The following ONECUT3 variants were observed in gnomAD, a reference collection of about 807,000 sequenced individuals.
The protein encoded by ONECUT3 is one cut homeobox 3.
In ONECUT3, 11 loss-of-function variants were observed where a neutral mutation model predicts 16.8. That is an observed-to-expected ratio of 0.66 (90% CI 0.41 to 1.09). The LOEUF (loss-of-function observed/expected upper bound fraction) is 1.09. Ranked by LOEUF, ONECUT3 falls within the 50% of genes least tolerant of loss-of-function variation. ONECUT3 has a pLI of 0.00. For synonymous variants in ONECUT3, 344 were observed against 310.7 expected, an observed-to-expected ratio of 1.11 and a Z score of -1.13; for missense variants, 637 against 629.9, an observed-to-expected ratio of 1.01 and a Z score of -0.12.
Position 1,775,204 on chromosome 19 carries a change from A to G in ONECUT3, c.1244A>G (p.Lys415Arg). Residue 415 changes from lysine to arginine, a missense_variant, in exon 2 of 2, where the codon AAG becomes AGG. By Grantham distance (26) the Lys-to-Arg change is conservative. Transcript: ENST00000382349. ...EQQKERALQP[K>R]KQRLVFTDLQ... ...CAGAAGGAGCGCGCCCTGCAGCCCAAGAAGCAGCGCCTGGTGTTCACCGAC... is the reference window on the plus strand; with the variant it reads ...CAGAAGGAGCGCGCCCTGCAGCCCAGGAAGCAGCGCCTGGTGTTCACCGAC... The G allele has an allele frequency of 2.6e-6, 4 of 1,524,846 alleles. No individual in the cohort carries two copies. Among genetic ancestry groups the G allele is most frequent in the Non-Finnish European group, 3.5e-6 (4 of 1,129,976 alleles). The allele number at this position is 1,524,846 out of a possible 1,614,324, so 94.5% of individuals were successfully genotyped here. A position where few individuals can be genotyped will look rare whatever the true frequency, so the allele number is the denominator to read the frequency against.
chr19:1,765,716 C>T lies in ONECUT3; in HGVS notation c.1193-9437C>T, dbSNP rs550226321. On this transcript the variant is annotated intron_variant, in intron 1 of 1. Coordinates refer to ENST00000382349, the MANE Select transcript of ONECUT3 (RefSeq NM_001080488.2). ...GGGGACACAGGGCTCTGGGTCACTG[C>T]GTCCACTTGATAAACCAGGAACCTG... 2.0e-5 allele frequency among the ~76,000 whole-genome samples: 3 copies of T among 152,332 alleles called. No homozygotes were observed. In the South Asian group the frequency reaches 6.2e-4, roughly 32 times the overall value.
intron 1 of ONECUT3, among the ~76,000 whole-genome samples, chr19:1,769,631 G>A (rs1245071869): frequency 1.3e-5 from 2 of 151,964 alleles, no homozygotes; most frequent in Admixed American, 6.6e-5. Context: ...GTCAGGTGGC[G>A]GTGGTGATGG....
chr19:1,760,151 C>T (rs111561817), intron 1 of ONECUT3, among the ~76,000 whole-genome samples: 6 of 152,356 alleles, frequency 3.9e-5, no homozygotes, highest in African/African-American at 1.4e-4. Context: ...ACCCTACAGA[C>T]CAGCAAGCTG....
Position 1,758,944 on chromosome 19 carries a change from G to T in ONECUT3, c.1192+4090G>T, listed in dbSNP as rs1240668126. ...TGATCAGAAAAAAAATACGTATATA[G>T]ATAATACAAAGTTAGATGGAGGTGG... On this transcript the variant is annotated intron_variant, in intron 1 of 1. Coordinates refer to ENST00000382349, the MANE Select transcript of ONECUT3 (RefSeq NM_001080488.2). The surrounding 1 kb of genome is among the most constrained non-coding windows in gnomAD (Gnocchi z 5.9). 6.6e-6 allele frequency among the ~76,000 whole-genome samples: 1 copy of T among 152,166 alleles called. No individual in the cohort carries two copies. Among genetic ancestry groups the T allele is most frequent in the Non-Finnish European group, 1.5e-5 (1 of 68,036 alleles).
At chr19:1,767,406 C>T (rs1282120944) in intron 1 of ONECUT3, among the ~76,000 whole-genome samples, 1 of 151,764 alleles carries the variant, frequency 6.6e-6, no homozygotes, top group Non-Finnish European at 1.5e-5. Context: ...GTCAGACCAC[C>T]CTCTTGGGCC....
chr19:1,773,353 C>T (rs997850908), intron 1 of ONECUT3, among the ~76,000 whole-genome samples: 6 of 152,046 alleles, frequency 3.9e-5, no homozygotes, highest in African/African-American at 1.4e-4. Context: ...TGCATTTAAT[C>T]ATAAAACCTG....
intron 1 of ONECUT3, among the ~76,000 whole-genome samples, chr19:1,765,758 G>A (rs73515185): frequency 6.6e-6 from 1 of 152,212 alleles, no homozygotes; most frequent in African/African-American, 2.4e-5. Context: ...AGAGAGGCCA[G>A]GGTGCGCGTT....
At chr19:1,760,619 C>T (rs936054920) in intron 1 of ONECUT3, among the ~76,000 whole-genome samples, 2 of 151,608 alleles carry the variant, frequency 1.3e-5, no homozygotes, top group Non-Finnish European at 2.9e-5. Flanking sequence ...AGTCCTCTCA[C>T]CTGGGAGACC....
rs1257872870 is a variant in ONECUT3 at position 1,759,228 on chromosome 19, G to A, written c.1192+4374G>A. Among the ~76,000 whole-genome samples, 1 of 152,166 alleles carries A rather than the reference G, an allele frequency of 6.6e-6. No homozygotes were observed. The highest frequency in any genetic ancestry group is 6.5e-5 in the Admixed American group (1 of 15,278). On this transcript the variant is annotated intron_variant, in intron 1 of 1. Transcript: ENST00000382349. The surrounding 1 kb of genome is among the most constrained non-coding windows in gnomAD (Gnocchi z 4.1). Reference sequence around the variant, plus strand: ...CTCTGTTTGGTGGTGGGTGAGCAGGGGGGATGCCAGGGACTGGGGACCTGA... The same window carrying A: ...CTCTGTTTGGTGGTGGGTGAGCAGGAGGGATGCCAGGGACTGGGGACCTGA...
intron 1 of ONECUT3, among the ~76,000 whole-genome samples, chr19:1,763,058 A>G (rs890016423): frequency 2.6e-5 from 4 of 151,954 alleles, no homozygotes; most frequent in African/African-American, 9.7e-5. Flanking sequence ...TCTCTATAAA[A>G]ATGTTTTTAA....
chr19:1,771,193 C>G (rs1042390888), intron 1 of ONECUT3, among the ~76,000 whole-genome samples: 1 of 152,172 alleles, frequency 6.6e-6, no homozygotes, highest in African/African-American at 2.4e-5. Flanking sequence ...GGTGGGGCTG[C>G]CCTCCATACC....
rs55658128 is a variant in ONECUT3, at chr19:1,758,300, CAAAA to C, written c.1192+3459_1192+3462del. Among the ~76,000 whole-genome samples the C allele has an allele frequency of 1.2e-4, 14 of 121,376 alleles. No individual in the cohort carries two copies. Among genetic ancestry groups the C allele is most frequent in the South Asian group, 2.7e-4 (1 of 3,644 alleles). 79.6% of individuals were successfully genotyped at this position (121,376 alleles called of 152,430 possible). On this transcript the variant is annotated intron_variant, in intron 1 of 1. Coordinates refer to ENST00000382349, the MANE Select transcript of ONECUT3 (RefSeq NM_001080488.2). The surrounding 1 kb of genome is among the most constrained non-coding windows in gnomAD (Gnocchi z 5.9). The stretch of plus-strand genomic sequence containing the variant: ...GAGACGAAAAGAGAGGCAGAGAGAC[CAAAA>C]AAAAAAAAAAAAGAGAGAGAGAGAG...
At chr19:1,773,521 A>G (rs972557722) in intron 1 of ONECUT3, among the ~76,000 whole-genome samples, 3 of 152,156 alleles carry the variant, frequency 2.0e-5, no homozygotes, top group Non-Finnish European at 4.4e-5. Flanking sequence ...TTGATCTAGC[A>G]TGTCATGTTC....
intron 1 of ONECUT3, among the ~76,000 whole-genome samples, chr19:1,757,648 G>A (rs1293793866): frequency 1.3e-5 from 2 of 152,032 alleles, no homozygotes; most frequent in African/African-American, 4.8e-5. Context: ...TGGGGGCCGC[G>A]TCTACACCAC....
At position 1,768,912 on chromosome 19, in the gene ONECUT3, T is replaced by TA. The variant is rs1568599078; in HGVS notation, c.1193-6241_1193-6240insA. Reference sequence around the variant, plus strand: ...GTGGTGGAGGTGGAGGTGGTGGAGGTGGAGGTGGTGGAGGTGAAGGTGGAG... The same window carrying TA: ...GTGGTGGAGGTGGAGGTGGTGGAGGTAGGAGGTGGTGGAGGTGAAGGTGGAG... On this transcript the variant is annotated intron_variant, in intron 1 of 1. Transcript: ENST00000382349. Among the ~76,000 whole-genome samples, 3 of 131,252 alleles carry TA rather than the reference T, an allele frequency of 2.3e-5. No individual in the cohort carries two copies. In the Admixed American group the frequency reaches 2.3e-4, roughly 10 times the overall value. The allele number at this position is 131,252 out of a possible 152,430, so 86.1% of individuals were successfully genotyped here. A position where few individuals can be genotyped will look rare whatever the true frequency, so the allele number is the denominator to read the frequency against.
intron 1 of ONECUT3, among the ~76,000 whole-genome samples, chr19:1,774,138 C>T (rs1242073031): frequency 1.3e-5 from 2 of 151,816 alleles, no homozygotes; most frequent in African/African-American, 2.4e-5. Context: ...ACTGGGTGCT[C>T]GAGGGAGGCC....
At chr19:1,763,551 A>C (rs1283245556) in intron 1 of ONECUT3, among the ~76,000 whole-genome samples, 1 of 151,764 alleles carries the variant, frequency 6.6e-6, no homozygotes, top group Non-Finnish European at 1.5e-5. Flanking sequence ...GTCTCAAAAA[A>C]TGATAAACAA....
intron 1 of ONECUT3, among the ~76,000 whole-genome samples, chr19:1,772,173 C>T (rs1316355967): frequency 6.6e-6 from 1 of 151,792 alleles, no homozygotes; most frequent in East Asian, 1.9e-4. Context: ...CCACACTCAG[C>T]TAATTTTTTT....
At position 1,764,974 on chromosome 19, in the gene ONECUT3, G is replaced by A. The variant is rs2067972639; in HGVS notation, c.1192+10120G>A. Among the ~76,000 whole-genome samples, 1 of 151,740 alleles carries A rather than the reference G, an allele frequency of 6.6e-6. No individual in the cohort carries two copies. Among genetic ancestry groups the A allele is most frequent in the African/African-American group, 2.4e-5 (1 of 41,026 alleles). On this transcript the variant is annotated intron_variant, in intron 1 of 1. Transcript: ENST00000382349. This position sits in a 1 kb window ranked among gnomAD's most constrained non-coding sequence, Gnocchi z 5.0. The stretch of plus-strand genomic sequence containing the variant: ...TTGAATTGTCTGCTCCCTGAAGCCA[G>A]AGGTGGCTGAGGGAGGGGATCTCCA...
Sources: allele counts gnomAD v4.1 joint callset (sites outside exome capture counted in the v4.1 genomes callset), GRCh38; gene constraint gnomAD v4.1.1; non-coding constraint Gnocchi (gnomAD v3.1); transcripts MANE v1.5; gene names NCBI Gene and HGNC (gene_info 2026-07-23, HGNC 2026-07-21).